The following RPL13 variants were observed in gnomAD, a reference collection of about 807,000 sequenced individuals.
The protein encoded by RPL13 is ribosomal protein L13.
In RPL13, 1 loss-of-function variant was observed where a neutral mutation model predicts 21.4. The ratio of observed to expected loss-of-function variants is 0.05; its 90% CI spans 0.02 to 0.22. The LOEUF is 0.22. RPL13 is among the 10% of genes least tolerant of loss of function. The pLI, the probability that RPL13 is intolerant of heterozygous loss-of-function variation, is 1.00. For synonymous variants in RPL13, 143 were observed against 120.5 expected (o/e 1.19, Z -1.23); for missense variants, 289 against 303.0 (o/e 0.95, Z 0.34).
intron 4 of RPL13, 21 bp from the exon 5 acceptor site, chr16:89,562,314 A>C: frequency 6.2e-7 from 1 of 1,613,018 alleles, no homozygotes; most frequent in Non-Finnish European, 8.5e-7. Flanking sequence ...ACCCCACTTA[A>C]CTCTTCTCAT....
At chr16:89,561,832 G>T in intron 4 of RPL13, 81 bp downstream of exon 4, 1 of 1,471,328 alleles carries the variant, frequency 6.8e-7, no homozygotes, top group South Asian at 1.2e-5. Context: ...CGGTCCCTGG[G>T]TCTTGCTGGG....
chr16:89,561,098 G>C, intron 2 of RPL13, 35 bp downstream of exon 2: 1 of 1,571,870 alleles, frequency 6.4e-7, no homozygotes, highest in Non-Finnish European at 8.6e-7. Flanking sequence ...CCTGGGGCTC[G>C]TGCCCGCGGC....
At position 89,564,422 on chromosome 16, in the gene RPL13, A is replaced by T. The variant is rs945326448; in HGVS notation, c.*1380A>T. 6.6e-6 allele frequency: 1 copy of T among 152,176 alleles called. No individual in the cohort carries two copies. Among genetic ancestry groups the T allele is most frequent in the Non-Finnish European group, 1.5e-5 (1 of 68,034 alleles). The allele number at this position is 152,176 out of a possible 1,614,324, so 9.4% of individuals were successfully genotyped here. ...TGGGACTCTTGTCCTATGTAAAGTT[A>T]AGGTGGGCCGGGTGCAGTGGCTCAC... On this transcript the variant is annotated 3_prime_UTR_variant, in exon 6 of 6. Transcript: ENST00000311528.
Position 89,561,052 on chromosome 16 carries a change from T to G in RPL13, c.93T>G (p.Arg31=), listed in dbSNP as rs2280370. The G allele has an allele frequency of 0.19, 307,077 of 1,605,014 alleles. 30,603 individuals are homozygous for G. Among genetic ancestry groups the G allele is most frequent in the African/African-American group, 0.29 (21,212 of 73,682 alleles). The change falls in exon 2 of 6, where the codon CGT becomes CGG. Residue 31 remains arginine, a synonymous_variant. Coordinates refer to ENST00000311528, the MANE Select transcript of RPL13 (RefSeq NM_000977.4). ...CCACGTGGTTCAACCAGCCGGCCCGTAAGATCCGCAGGTGAGCCCTGCGCT... is the reference window on the plus strand; with the variant it reads ...CCACGTGGTTCAACCAGCCGGCCCGGAAGATCCGCAGGTGAGCCCTGCGCT... The part of the protein sequence containing the change: ...RVATWFNQPA[R]KIRRRKARQA...
At chr16:89,562,601 T>C in intron 5 of RPL13, 1 of 593,574 alleles carries the variant, frequency 1.7e-6, no homozygotes, top group South Asian at 2.4e-5. Flanking sequence ...GTTTGTTTTG[T>C]GTTTTTTTGT....
At chr16:89,561,131 C>T (rs1369847367) in intron 2 of RPL13, 68 bp downstream of exon 2, 4 of 1,532,382 alleles carry the variant, frequency 2.6e-6, no homozygotes, top group Admixed American at 2.0e-5. Context: ...TGCGGGTGGC[C>T]GATGCCAGGG....
At chr16:89,561,886 T>A (rs1273973508) in intron 4 of RPL13, 135 bp downstream of exon 4, 1 of 981,246 alleles carries the variant, frequency 1.0e-6, no homozygotes, top group Non-Finnish European at 1.5e-6. Flanking sequence ...TAAGCGGGAC[T>A]GCTAAGGTTC....
Position 89,563,069 on chromosome 16 carries a change from C to T in RPL13, c.*27C>T, listed in dbSNP as rs778716063. 22 of 1,476,296 alleles carry T rather than the reference C, an allele frequency of 1.5e-5. No individual in the cohort carries two copies. Among genetic ancestry groups the T allele is most frequent in the African/African-American group, 1.2e-4 (8 of 69,220 alleles). The allele number at this position is 1,476,296 out of a possible 1,614,324, so 91.4% of individuals were successfully genotyped here. A position where few individuals can be genotyped will look rare whatever the true frequency, so the allele number is the denominator to read the frequency against. On this transcript the variant is annotated 3_prime_UTR_variant, in exon 6 of 6. Coordinates refer to ENST00000311528, the MANE Select transcript of RPL13 (RefSeq NM_000977.4). ...GCCCTCCTGGGGACTTGGAATCAGTCGGCAGTCATGCTGGGTCTCCACGTG... is the reference window on the plus strand; with the variant it reads ...GCCCTCCTGGGGACTTGGAATCAGTTGGCAGTCATGCTGGGTCTCCACGTG...
At position 89,562,336 on chromosome 16, in the gene RPL13, C is replaced by G. The variant is rs777110708; in HGVS notation, c.422C>G (p.Ala141Gly). Residue 141 changes from alanine to glycine, a missense_variant and splice_region_variant, in exon 5 of 6, where the codon GCT becomes GGT. By Grantham distance (60) the Ala-to-Gly change is moderately conservative. Transcript: ENST00000311528. ...PSAPKKGDSSAEELKLATQLT... is the reference protein window; with the variant it reads ...PSAPKKGDSSGEELKLATQLT... ...TTAACTCTTCTCATTCACCAACAGG[C>G]TGAAGAACTGAAACTGGCCACCCAG... The G allele has an allele frequency of 6.2e-7, 1 of 1,613,274 alleles. No homozygotes were observed. The highest frequency in any genetic ancestry group is 1.1e-5 in the South Asian group (1 of 90,964).
In RPL13 at chr16:89,563,529, G is replaced by GATCAC. The variant is rs2152414997; in HGVS notation, c.*488_*492dup. 6.6e-6 allele frequency: 1 copy of GATCAC among 151,934 alleles called. No homozygotes were observed. The highest frequency in any genetic ancestry group is 1.9e-4 in the East Asian group (1 of 5,154). 9.4% of individuals were successfully genotyped at this position (151,934 alleles called of 1,614,324 possible). The stretch of plus-strand genomic sequence containing the variant: ...GGAGGCAGAGGCTGCACTGAGCCAG[G>GATCAC]ATCACGCCACTGCACTCTAGCCTGG... On this transcript the variant is annotated 3_prime_UTR_variant, in exon 6 of 6. Transcript: ENST00000311528.
chr16:89,561,939 G>A (rs2058748123), intron 4 of RPL13, 188 bp downstream of exon 4: 3 of 695,296 alleles, frequency 4.3e-6, no homozygotes, highest in South Asian at 4.0e-5. Flanking sequence ...GACATGGCAA[G>A]GCTGTGTGAC....
downstream of RPL13, chr16:89,565,923 G>GA (rs2058785564): frequency 1.1e-5 from 1 of 92,238 alleles, no homozygotes; most frequent in Non-Finnish European, 3.3e-5. Flanking sequence ...CTGAGAAACT[G>GA]ACCTGTGTGC....
Position 89,561,563 on chromosome 16 carries a change from C to T in RPL13, c.247-15C>T, listed in dbSNP as rs1044392998. The T allele has an allele frequency of 1.2e-6, 2 of 1,613,322 alleles. No homozygotes were observed. The highest frequency in any genetic ancestry group is 1.7e-6 in the Non-Finnish European group (2 of 1,180,054). On this transcript the variant is annotated splice_polypyrimidine_tract_variant and intron_variant, in intron 3 of 5. Transcript: ENST00000311528. ...AGCCCGGGCCTGTCTCCATCTCTCT[C>T]TGGTTCTGGGGCAGGTGGCCGGCAT...
rs117042786 is a variant in RPL13, at chr16:89,561,759, C to T, written c.420+8C>T. 45 of 1,610,674 alleles carry T rather than the reference C, an allele frequency of 2.8e-5. No homozygotes were observed. In the East Asian group the frequency reaches 9.2e-4, roughly 33 times the overall value. ...AAGAAGGGAGACAGTTCTGTGAGTA[C>T]ACGGCTCTCTGGCCGTCCTGGTGCG... On this transcript the variant is annotated splice_region_variant and intron_variant, in intron 4 of 5. Transcript: ENST00000311528.
rs2058745989 is a variant in RPL13, at chr16:89,561,663, A to G, written c.332A>G (p.Gln111Arg). 5.0e-6 allele frequency: 8 copies of G among 1,613,924 alleles called. No individual in the cohort carries two copies. Among genetic ancestry groups the G allele is most frequent in the Non-Finnish European group, 5.9e-6 (7 of 1,180,042 alleles). The change falls in exon 4 of 6, where the codon CAG becomes CGG. Residue 111 changes from glutamine to arginine, a missense_variant. Transcript: ENST00000311528. ...CGGAACAAGTCCACGGAGTCCCTGCAGGCCAACGTGCAGCGGCTGAAGGAG... is the reference window on the plus strand; with the variant it reads ...CGGAACAAGTCCACGGAGTCCCTGCGGGCCAACGTGCAGCGGCTGAAGGAG... ...RRRNKSTESLQANVQRLKEYR... is the reference protein window; with the variant it reads ...RRRNKSTESLRANVQRLKEYR...
chr16:89,566,210 TC>T (rs1244973879), downstream of RPL13: 1 of 151,504 alleles, frequency 6.6e-6, no homozygotes, highest in East Asian at 1.9e-4. Flanking sequence ...GCAGAACTGA[TC>T]GGGGATAGTC....
intron 1 of RPL13, 103 bp downstream of exon 1, chr16:89,560,815 C>T: frequency 1.7e-6 from 1 of 591,176 alleles, no homozygotes; most frequent in Non-Finnish European, 2.8e-6. Context: ...TCGCAGACAG[C>T]GTTCGGCCGC....
At position 89,561,732 on chromosome 16, in the gene RPL13, C is replaced by A. The variant is rs952083645; in HGVS notation, c.401C>A (p.Pro134His). Residue 134 changes from proline to histidine, a missense_variant, in exon 4 of 6, where the codon CCC becomes CAC. Physicochemically the swap from Pro to His is moderately conservative, Grantham distance 77. Coordinates refer to ENST00000311528, the MANE Select transcript of RPL13 (RefSeq NM_000977.4). ...CTCTTCCCCAGGAAGCCCTCGGCCC[C>A]CAAGAAGGGAGACAGTTCTGTGAGT... ...LILFPRKPSA[P>H]KKGDSSAEEL... 1 of 1,613,678 alleles carries A rather than the reference C, an allele frequency of 6.2e-7. No individual in the cohort carries two copies. Among genetic ancestry groups the A allele is most frequent in the African/African-American group, 1.3e-5 (1 of 75,042 alleles).
intron 4 of RPL13, 76 bp downstream of exon 4, chr16:89,561,827 C>T: frequency 6.7e-7 from 1 of 1,498,272 alleles, no homozygotes; most frequent in African/African-American, 1.4e-5. Context: ...GACACCGGTC[C>T]CTGGGTCTTG....
Sources: allele counts gnomAD v4.1 joint callset, GRCh38; gene constraint gnomAD v4.1.1; transcripts MANE v1.5; gene names NCBI Gene and HGNC (gene_info 2026-07-23, HGNC 2026-07-21).